Variants in ELOVL4 observed in about 807,000 individuals in gnomAD.
ELOVL4 encodes very long chain fatty acid elongase 4.
ELOVL4 carries 18 observed loss-of-function variants against 42.1 expected under a neutral mutation model. The observed-to-expected ratio is 0.43, with a 90% CI of 0.30 to 0.63. The LOEUF (loss-of-function observed/expected upper bound fraction) is 0.63. Among genes scored for constraint, ELOVL4 ranks in the 30% least tolerant of loss-of-function variants. ELOVL4 has a pLI of 0.15. For missense variants in ELOVL4, 299 were observed against 376.2 expected (o/e 0.79, Z 1.70); for synonymous variants, 117 against 127.0 (o/e 0.92, Z 0.53).
chr6:79,942,102 C>T (rs1774657019), intron 1 of ELOVL4, among the ~76,000 whole-genome samples: 1 of 151,980 alleles, frequency 6.6e-6, no homozygotes, highest in Non-Finnish European at 1.5e-5. Flanking sequence ...TGGGTAAAGG[C>T]AAGGGGAATG....
In ELOVL4 at chr6:79,916,368, G is replaced by T. The variant is rs886061801; in HGVS notation, c.*240C>A. ...GAATCCCCAAAGTCACTTAATGATT[G>T]CTTTGGTCTGGAGAATATCAAGGCT... On this transcript the variant is annotated 3_prime_UTR_variant, in exon 6 of 6. Coordinates refer to ENST00000369816, the MANE Select transcript of ELOVL4 (RefSeq NM_022726.4). 9.9e-6 allele frequency: 5 copies of T among 504,874 alleles called. No individual in the cohort carries two copies. The Admixed American group carries it at 1.7e-4, about 17-fold the overall frequency. 31.3% of individuals were successfully genotyped at this position (504,874 alleles called of 1,614,324 possible).
intron 1 of ELOVL4, among the ~76,000 whole-genome samples, chr6:79,930,092 CTCAAG>C (rs1318599666): frequency 2.0e-5 from 3 of 152,140 alleles, no homozygotes; most frequent in African/African-American, 7.2e-5. Flanking sequence ...TAACTTTATC[CTCAAG>C]TCAACAACTC....
Position 79,947,157 on chromosome 6 carries a change from G to A in ELOVL4, c.100+23C>T, listed in dbSNP as rs555103383. 33 of 1,598,196 alleles carry A rather than the reference G, an allele frequency of 2.1e-5. No homozygotes were observed. In the South Asian group the frequency reaches 2.8e-4, roughly 13 times the overall value. ...GACCCCCCGCGGGGGACCGAGCGAG[G>A]ATGGGGAAGTCAGCGGCTTTACCTG... On this transcript the variant is annotated intron_variant, in intron 1 of 5. Transcript: ENST00000369816.
chr6:79,920,892 G>C (rs1774241023), intron 4 of ELOVL4, among the ~76,000 whole-genome samples: 1 of 152,140 alleles, frequency 6.6e-6, no homozygotes, highest in African/African-American at 2.4e-5. Flanking sequence ...TGCTCAAAAA[G>C]TTTTGAATTT....
chr6:79,919,594 G>T, intron 4 of ELOVL4, 47 bp from the exon 5 acceptor site: 1 of 1,566,486 alleles, frequency 6.4e-7, no homozygotes, highest in Non-Finnish European at 8.8e-7. Flanking sequence ...AATTTTATTA[G>T]GCAGTAAGCC....
At chr6:79,941,726 A>G (rs1046889836) in intron 1 of ELOVL4, among the ~76,000 whole-genome samples, 1 of 152,172 alleles carries the variant, frequency 6.6e-6, no homozygotes, top group African/African-American at 2.4e-5. Flanking sequence ...ACCTTCTGTA[A>G]TTTAGTGTGG....
chr6:79,926,829 G>A (rs1322753781), intron 1 of ELOVL4, among the ~76,000 whole-genome samples: 1 of 152,196 alleles, frequency 6.6e-6, no homozygotes, highest in Admixed American at 6.5e-5. Flanking sequence ...AACTGGAGAG[G>A]TACGTACGGG....
At chr6:79,943,746 A>G (rs1222158126) in intron 1 of ELOVL4, among the ~76,000 whole-genome samples, 1 of 152,146 alleles carries the variant, frequency 6.6e-6, no homozygotes, top group Non-Finnish European at 1.5e-5. Flanking sequence ...CATGGCAAGT[A>G]AATACGGAAA....
chr6:79,924,510 CAT>C (rs937252963), intron 3 of ELOVL4, among the ~76,000 whole-genome samples: 6 of 152,100 alleles, frequency 3.9e-5, no homozygotes, highest in African/African-American at 1.4e-4. Flanking sequence ...TTTACTGACT[CAT>C]AACAATCTAG....
intron 1 of ELOVL4, among the ~76,000 whole-genome samples, chr6:79,944,484 T>C (rs1582057719): frequency 6.6e-6 from 1 of 152,228 alleles, no homozygotes; most frequent in South Asian, 2.1e-4. Flanking sequence ...AAAGTATAGC[T>C]CTTTCAAACT....
intron 5 of ELOVL4, 129 bp downstream of exon 5, chr6:79,919,291 G>T: frequency 9.6e-7 from 1 of 1,042,078 alleles, no homozygotes; most frequent in Non-Finnish European, 1.4e-6. Context: ...GCATAACTGC[G>T]ATATAGCTGG....
chr6:79,942,441 T>C (rs1403748658), intron 1 of ELOVL4, among the ~76,000 whole-genome samples: 1 of 152,182 alleles, frequency 6.6e-6, no homozygotes, highest in African/African-American at 2.4e-5. Context: ...CATTTCGGTG[T>C]GCTAATATAT....
At chr6:79,919,000 T>C (rs1219986237) in intron 5 of ELOVL4, among the ~76,000 whole-genome samples, 1 of 151,872 alleles carries the variant, frequency 6.6e-6, no homozygotes, top group Non-Finnish European at 1.5e-5. Flanking sequence ...GACTGAAAAA[T>C]GAAATAAAAA....
intron 5 of ELOVL4, 140 bp from the exon 6 acceptor site, chr6:79,917,023 G>T: frequency 1.2e-6 from 1 of 863,310 alleles, no homozygotes; most frequent in Non-Finnish European, 1.8e-6. Flanking sequence ...GGCTCCCATG[G>T]CTAGCTCCTC....
chr6:79,937,853 G>A (rs1034766835), intron 1 of ELOVL4, among the ~76,000 whole-genome samples: 2 of 152,166 alleles, frequency 1.3e-5, no homozygotes, highest in Admixed American at 6.5e-5. Flanking sequence ...AATATAAGGT[G>A]TATCAAATAC....
chr6:79,939,988 T>C (rs1774619859), intron 1 of ELOVL4, among the ~76,000 whole-genome samples: 1 of 152,252 alleles, frequency 6.6e-6, no homozygotes, highest in African/African-American at 2.4e-5. Context: ...ACGTTGCGTT[T>C]ATCCATTTAT....
intron 1 of ELOVL4, among the ~76,000 whole-genome samples, chr6:79,928,727 G>GGTTTT (rs1774389039): frequency 2.6e-5 from 2 of 75,582 alleles, no homozygotes; most frequent in Non-Finnish European, 4.7e-5. Context: ...TGGTGACTGG[G>GGTTTT]TTTTTTTTTT....
intron 5 of ELOVL4, among the ~76,000 whole-genome samples, chr6:79,917,590 C>G (rs919032527): frequency 6.6e-6 from 1 of 152,124 alleles, no homozygotes; most frequent in Non-Finnish European, 1.5e-5. Flanking sequence ...GAGGCCGAGG[C>G]GGGTGGATCA....
In ELOVL4 at chr6:79,947,225, G is replaced by C. The variant is rs377160316; in HGVS notation, c.55C>G (p.Leu19Val). The C allele has an allele frequency of 2.7e-5, 43 of 1,613,326 alleles. No homozygotes were observed. The highest frequency in any genetic ancestry group is 3.5e-5 in the Non-Finnish European group (41 of 1,179,584). Residue 19 changes from leucine to valine, a missense_variant, in exon 1 of 6, where the codon CTC becomes GTC. Physicochemically the swap from Leu to Val is conservative, Grantham distance 32. Coordinates refer to ENST00000369816, the MANE Select transcript of ELOVL4 (RefSeq NM_022726.4). ...GSVLNVVSTA[L>V]NDTVEFYRWT... ...CGGTAGAACTCTACCGTGTCGTTGAGTGCCGTGGACACTACGTTTAGGACA... is the reference window on the plus strand; with the variant it reads ...CGGTAGAACTCTACCGTGTCGTTGACTGCCGTGGACACTACGTTTAGGACA...
Sources: allele counts gnomAD v4.1 joint callset (sites outside exome capture counted in the v4.1 genomes callset), GRCh38; gene constraint gnomAD v4.1.1; transcripts MANE v1.5; gene names NCBI Gene and HGNC (gene_info 2026-07-23, HGNC 2026-07-21).